Variants in ADGB observed in about 807,000 individuals in gnomAD.
The protein encoded by ADGB is androglobin, also known as calpain-7-like protein.
Under a neutral mutation model 210.5 loss-of-function variants are expected in ADGB, and 172 were observed. The observed-to-expected ratio is 0.82, with a 90% CI of 0.72 to 0.93. The LOEUF is 0.93. Ranked by LOEUF, ADGB falls within the 40% of genes least tolerant of loss-of-function variation. The probability of loss-of-function intolerance (pLI) is 0.00; values close to 1 mark genes in which losing one functional copy is unlikely to be tolerated. For synonymous variants in ADGB, 658 were observed against 662.7 expected (o/e 0.99, Z 0.11); for missense variants, 2,025 against 1,964.8 (o/e 1.03, Z -0.58).
chr6:146,668,809 A>G (rs1343586363), intron 7 of ADGB, among the ~76,000 whole-genome samples: 1 of 152,118 alleles, frequency 6.6e-6, no homozygotes, highest in Non-Finnish European at 1.5e-5. Context: ...AAAACAGAGT[A>G]TCTTCTAATT....
chr6:146,663,448 C>A (rs1775894906), intron 5 of ADGB, among the ~76,000 whole-genome samples: 1 of 151,538 alleles, frequency 6.6e-6, no homozygotes, highest in Non-Finnish European at 1.5e-5. Flanking sequence ...AAGAGAAAAA[C>A]TTTGGTTTCT....
intron 27 of ADGB, among the ~76,000 whole-genome samples, chr6:146,762,083 T>C (rs917022076): frequency 1.2e-4 from 19 of 152,114 alleles, no homozygotes; most frequent in Non-Finnish European, 1.0e-4. Flanking sequence ...AGGATCTTTT[T>C]CTTAATTAGA....
intron 11 of ADGB, among the ~76,000 whole-genome samples, chr6:146,691,548 C>T (rs192781245): frequency 1.0e-5 from 1 of 97,862 alleles, no homozygotes; most frequent in Admixed American, 1.3e-4. Context: ...CGCTCTGTGG[C>T]CTAGGCTGGA....
rs1583645907 is a variant in ADGB at position 146,801,295 on chromosome 6, C to T, written c.4634+16C>T. Reference sequence around the variant, plus strand: ...AATATGTTCGGTAAGTTTTCATAAACATGATTGATGCAGACAACTGTGTGT... The same window carrying T: ...AATATGTTCGGTAAGTTTTCATAAATATGATTGATGCAGACAACTGTGTGT... On this transcript the variant is annotated intron_variant, in intron 34 of 35. Transcript: ENST00000397944. The T allele has an allele frequency of 7.4e-7, 1 of 1,348,210 alleles. No homozygotes were observed. Among genetic ancestry groups the T allele is most frequent in the South Asian group, 1.5e-5 (1 of 67,516 alleles). The allele number at this position is 1,348,210 out of a possible 1,614,324, so 83.5% of individuals were successfully genotyped here. A position where few individuals can be genotyped will look rare whatever the true frequency, so the allele number is the denominator to read the frequency against.
chr6:146,776,826 C>T (rs1777729384), intron 29 of ADGB, among the ~76,000 whole-genome samples: 1 of 152,024 alleles, frequency 6.6e-6, no homozygotes, highest in African/African-American at 2.4e-5. Context: ...ATTTTAAGCT[C>T]TCTGGGCATG....
rs1394575575 is a variant in ADGB, at chr6:146,691,018, A to G, written c.1312-98A>G. Reference sequence around the variant, plus strand: ...ATATTGGGTGATTTTTTTTCTTACTACCACCATATTGCTCTGTTCGTGATA... The same window carrying G: ...ATATTGGGTGATTTTTTTTCTTACTGCCACCATATTGCTCTGTTCGTGATA... On this transcript the variant is annotated intron_variant, in intron 10 of 35. Transcript: ENST00000397944. The G allele has an allele frequency of 4.2e-6, 4 of 947,780 alleles. No individual in the cohort carries two copies. The African/African-American group carries it at 5.1e-5, about 12-fold the overall frequency. The allele number at this position is 947,780 out of a possible 1,614,324, so 58.7% of individuals were successfully genotyped here.
chr6:146,601,294 T>C (rs1780553287), intron 1 of ADGB, among the ~76,000 whole-genome samples: 3 of 152,178 alleles, frequency 2.0e-5, no homozygotes, highest in African/African-American at 7.2e-5. Context: ...TCAATAAAAA[T>C]GTATGCATAC....
chr6:146,633,885 T>G (rs1781100093), intron 1 of ADGB, among the ~76,000 whole-genome samples: 1 of 60,796 alleles, frequency 1.6e-5, no homozygotes, highest in Non-Finnish European at 4.0e-5. Flanking sequence ...AAGAAATTGT[T>G]TTTTACAAAT....
intron 1 of ADGB, among the ~76,000 whole-genome samples, chr6:146,606,836 A>G (rs1186969019): frequency 6.6e-6 from 1 of 152,140 alleles, no homozygotes; most frequent in African/African-American, 2.4e-5. Context: ...GGCAAACATG[A>G]TGCCTCCAGC....
At chr6:146,620,061 G>A (rs947848142) in intron 1 of ADGB, among the ~76,000 whole-genome samples, 1 of 152,034 alleles carries the variant, frequency 6.6e-6, no homozygotes, top group African/African-American at 2.4e-5. Flanking sequence ...TTACTGTTTG[G>A]CAGTATTTTT....
intron 7 of ADGB, 112 bp from the exon 8 acceptor site, chr6:146,672,108 T>C (rs1047731109): frequency 1.5e-6 from 2 of 1,324,000 alleles, no homozygotes; most frequent in Non-Finnish European, 2.0e-6. Flanking sequence ...TGAGTAACAA[T>C]TGAAATTATT....
rs1174437393 is a variant in ADGB at position 146,733,212 on chromosome 6, G to C, written c.2613G>C (p.Leu871Phe). ...AATTTGCATTCCGGGCTATGGTTTT[G>C]GACTTGGAGTTACTCAATTCCTCCT... ...NFKFAFRAMV[L>F]DLELLNSSLE... is the part of the protein sequence containing the mutation. The change falls in exon 21 of 36, where the codon TTG becomes TTC. Residue 871 changes from leucine to phenylalanine, a missense_variant. Leu to Phe is a conservative substitution (Grantham distance 22, BLOSUM62 0). Coordinates refer to ENST00000397944, the MANE Select transcript of ADGB (RefSeq NM_024694.4). The C allele has an allele frequency of 6.5e-7, 1 of 1,540,556 alleles. No homozygotes were observed. Among genetic ancestry groups the C allele is most frequent in the Admixed American group, 2.0e-5 (1 of 50,192 alleles).
At chr6:146,605,165 T>C (rs1371077975) in intron 1 of ADGB, among the ~76,000 whole-genome samples, 3 of 152,180 alleles carry the variant, frequency 2.0e-5, no homozygotes, top group African/African-American at 7.2e-5. Context: ...TGATGTATAA[T>C]TTGACAATTG....
chr6:146,702,000 T>C (rs2114545895), intron 13 of ADGB, among the ~76,000 whole-genome samples: 1 of 152,042 alleles, frequency 6.6e-6, no homozygotes, highest in South Asian at 2.1e-4. Context: ...CAGTTATTGC[T>C]CTCAACATTG....
At chr6:146,652,409 T>A (rs1775715348) in intron 3 of ADGB, among the ~76,000 whole-genome samples, 1 of 152,112 alleles carries the variant, frequency 6.6e-6, no homozygotes, top group African/African-American at 2.4e-5. Flanking sequence ...TTTAGGTAAA[T>A]TTTTCTCTAA....
chr6:146,815,398 T>C lies in ADGB; in HGVS notation c.*181T>C. Reference sequence around the variant, plus strand: ...GCTAGTATTTGAAGCCATTTGAGTTTAAGATGCTCTAATTTCAATAAAATA... The same window carrying C: ...GCTAGTATTTGAAGCCATTTGAGTTCAAGATGCTCTAATTTCAATAAAATA... On this transcript the variant is annotated 3_prime_UTR_variant, in exon 36 of 36. Transcript: ENST00000397944. 1 of 401,830 alleles carries C rather than the reference T, an allele frequency of 2.5e-6. No homozygotes were observed. Among genetic ancestry groups the C allele is most frequent in the Non-Finnish European group, 4.3e-6 (1 of 234,676 alleles). 24.9% of individuals were successfully genotyped at this position (401,830 alleles called of 1,614,324 possible). A position where few individuals can be genotyped will look rare whatever the true frequency, so the allele number is the denominator to read the frequency against.
chr6:146,750,026 G>A (rs1306150861), intron 26 of ADGB, among the ~76,000 whole-genome samples: 2 of 152,000 alleles, frequency 1.3e-5, no homozygotes, highest in East Asian at 1.9e-4. Context: ...CCATATCACC[G>A]GTGTTGCTGA....
chr6:146,747,341 A>T (rs1777254786), intron 26 of ADGB, among the ~76,000 whole-genome samples: 1 of 152,216 alleles, frequency 6.6e-6, no homozygotes, highest in South Asian at 2.1e-4. Context: ...AACTACTATG[A>T]TAGAAAACTA....
intron 12 of ADGB, among the ~76,000 whole-genome samples, chr6:146,695,066 C>G (rs1396656899): frequency 1.3e-5 from 2 of 152,126 alleles, no homozygotes; most frequent in Non-Finnish European, 2.9e-5. Flanking sequence ...CTGGATGAAT[C>G]ATACTTAGCA....
Sources: allele counts gnomAD v4.1 joint callset (sites outside exome capture counted in the v4.1 genomes callset), GRCh38; gene constraint gnomAD v4.1.1; transcripts MANE v1.5; gene names NCBI Gene and HGNC (gene_info 2026-07-23, HGNC 2026-07-21).